Variants in SEMA4D observed in about 807,000 individuals in gnomAD.
SEMA4D encodes semaphorin 4D, also known as semaphorin-4D.
Under a neutral mutation model 74.8 loss-of-function variants are expected in SEMA4D, and 22 were observed. That is an observed-to-expected ratio of 0.29 (90% CI 0.21 to 0.42). SEMA4D has a LOEUF of 0.42. SEMA4D is among the 10% of genes least tolerant of loss of function. The pLI, the probability that SEMA4D is intolerant of heterozygous loss-of-function variation, is 1.00. For synonymous variants in SEMA4D, 445 were observed against 463.7 expected, an observed-to-expected ratio of 0.96 and a Z score of 0.52; for missense variants, 937 against 1,118.4, an observed-to-expected ratio of 0.84 and a Z score of 2.31.
chr9:89,431,171 C>A (rs539255894), intron 2 of SEMA4D, among the ~76,000 whole-genome samples: 3 of 152,312 alleles, frequency 2.0e-5, no homozygotes, highest in East Asian at 3.9e-4. Context: ...ATGTAAAAAA[C>A]CCAGTCATAA....
intron 13 of SEMA4D, among the ~76,000 whole-genome samples, chr9:89,384,473 G>A (rs951876000): frequency 2.6e-5 from 4 of 152,222 alleles, no homozygotes; most frequent in Admixed American, 6.5e-5. Context: ...GCTGCCCAGG[G>A]CTGGAGGAGG....
chr9:89,409,353 C>T (rs1023821451), intron 2 of SEMA4D, among the ~76,000 whole-genome samples: 5 of 152,088 alleles, frequency 3.3e-5, no homozygotes, highest in African/African-American at 7.2e-5. Context: ...TGCATTTGTC[C>T]GAGCCTACAG....
At chr9:89,459,137 C>T (rs1013498072) in intron 1 of SEMA4D, among the ~76,000 whole-genome samples, 2 of 152,200 alleles carry the variant, frequency 1.3e-5, no homozygotes, top group Non-Finnish European at 2.9e-5. Context: ...CCTAGAGACC[C>T]CATGTGCCTG....
chr9:89,430,590 G>T (rs1177420666), intron 2 of SEMA4D, among the ~76,000 whole-genome samples: 1 of 152,198 alleles, frequency 6.6e-6, no homozygotes, highest in African/African-American at 2.4e-5. Context: ...TATTTCCAAG[G>T]CCTCAGCAAC....
intron 16 of SEMA4D, among the ~76,000 whole-genome samples, chr9:89,365,867 C>T (rs548103730): frequency 1.3e-5 from 2 of 152,312 alleles, no homozygotes; most frequent in Non-Finnish European, 2.9e-5. Flanking sequence ...TTTAATGAAG[C>T]TGACTTTAGT....
chr9:89,458,983 A>G (rs1236181178), intron 1 of SEMA4D, among the ~76,000 whole-genome samples: 1 of 152,200 alleles, frequency 6.6e-6, no homozygotes, highest in Non-Finnish European at 1.5e-5. Flanking sequence ...ACACATATGC[A>G]TACTCATACA....
In SEMA4D at chr9:89,405,396, C is replaced by A; in HGVS notation, c.61G>T (p.Ala21Ser). ...LMALAVMFGT[A>S]MAFAPIPRIT... ...CGGGGTATGGGTGCAAATGCCATCG[C>A]TGTCCCAAACATCACTGCAAGGGCC... Residue 21 changes from alanine to serine, a missense_variant, in exon 3 of 16, where the codon GCG (alanine) becomes TCG (serine). Transcript: ENST00000422704. 1 of 1,614,138 alleles carries A rather than the reference C, an allele frequency of 6.2e-7. No homozygotes were observed. The highest frequency in any genetic ancestry group is 8.5e-7 in the Non-Finnish European group (1 of 1,180,000).
chr9:89,395,387 G>A (rs1042026624), intron 6 of SEMA4D, among the ~76,000 whole-genome samples: 4 of 150,652 alleles, frequency 2.7e-5, no homozygotes, highest in African/African-American at 9.8e-5. Context: ...TCGCATCACT[G>A]TACTCCAGCC....
chr9:89,376,970 G>GA (rs1344322148), downstream of SEMA4D: 2 of 1,550,436 alleles, frequency 1.3e-6, no homozygotes, highest in Non-Finnish European at 1.7e-6. Context: ...GGTCCAGGGA[G>GA]AGGAAAGCCT....
In SEMA4D at chr9:89,379,035, T is replaced by C. The variant is rs1836371166; in HGVS notation, c.2258A>G (p.Tyr753Cys). ...FFVLFLCLFFYNCYKGYLPRQ... is the reference protein window; with the variant it reads ...FFVLFLCLFFCNCYKGYLPRQ... ...GGGCAGGTATCCCTTATAGCAGTTG[T>C]AGAAAAAGAGGCAGAGGAAGAGAAC... The change falls in exon 16 of 16, where the codon TAC (tyrosine) becomes TGC (cysteine). Residue 753 changes from tyrosine (Y) to cysteine (C), a missense_variant. Coordinates refer to ENST00000422704, the MANE Select transcript of SEMA4D (RefSeq NM_001371194.2). 1 of 1,611,726 alleles carries C rather than the reference T, an allele frequency of 6.2e-7. No homozygotes were observed. Among genetic ancestry groups the C allele is most frequent in the South Asian group, 1.1e-5 (1 of 90,900 alleles).
chr9:89,451,852 A>G (rs1160500682), intron 2 of SEMA4D, among the ~76,000 whole-genome samples: 1 of 152,198 alleles, frequency 6.6e-6, no homozygotes, highest in Non-Finnish European at 1.5e-5. Context: ...CATGTCATGC[A>G]CGCAGGTCAT....
rs1360990703 is a variant in SEMA4D, at chr9:89,378,463, CGACT to C, written c.*237_*240del. On this transcript the variant is annotated 3_prime_UTR_variant, in exon 16 of 16. Coordinates refer to ENST00000422704, the MANE Select transcript of SEMA4D (RefSeq NM_001371194.2). The stretch of plus-strand genomic sequence containing the variant: ...GCCCGTGGGCCTTCTTCAAGTACTC[CGACT>C]GACTTCGGAACACAAGACTGGGATG... The C allele has an allele frequency of 2.0e-6, 1 of 499,234 alleles. No homozygotes were observed. Among genetic ancestry groups the C allele is most frequent in the African/African-American group, 1.9e-5 (1 of 52,000 alleles). 30.9% of individuals were successfully genotyped at this position (499,234 alleles called of 1,614,324 possible). A position where few individuals can be genotyped will look rare whatever the true frequency, so the allele number is the denominator to read the frequency against.
chr9:89,439,678 C>T (rs965137184), intron 2 of SEMA4D, among the ~76,000 whole-genome samples: 15 of 152,200 alleles, frequency 9.9e-5, no homozygotes, highest in African/African-American at 2.4e-4. Flanking sequence ...GCTCAGCCGG[C>T]GGCTGACTGG....
intron 1 of SEMA4D, among the ~76,000 whole-genome samples, chr9:89,489,830 G>A (rs1251040138): frequency 6.6e-6 from 1 of 152,238 alleles, no homozygotes; most frequent in African/African-American, 2.4e-5. Context: ...GTTTTTGTGT[G>A]AGTCCCTGCT....
chr9:89,437,066 GCA>G (rs770145078), intron 2 of SEMA4D, among the ~76,000 whole-genome samples: 6 of 152,244 alleles, frequency 3.9e-5, no homozygotes, highest in Non-Finnish European at 7.3e-5. Flanking sequence ...AGGTGAGCAT[GCA>G]CAGAGCTGCT....
At chr9:89,482,612 C>A (rs1272653703) in intron 1 of SEMA4D, among the ~76,000 whole-genome samples, 1 of 152,184 alleles carries the variant, frequency 6.6e-6, no homozygotes, top group African/African-American at 2.4e-5. Flanking sequence ...GGACTCCCGG[C>A]CTGACACAAT....
chr9:89,474,003 T>G lies in SEMA4D; in HGVS notation c.-309-18050A>C, dbSNP rs188620107. On this transcript the variant is annotated intron_variant, in intron 1 of 15. Coordinates refer to ENST00000422704, the MANE Select transcript of SEMA4D (RefSeq NM_001371194.2). ...CCTCCCCAGGCATCCCCCAGAGAAG[T>G]AGGACAGAGAGAAGACGGGTACCAT... Among the ~76,000 whole-genome samples the G allele has an allele frequency of 7.9e-5, 12 of 151,962 alleles. 1 individual carries two copies. Among genetic ancestry groups the G allele is most frequent in the African/African-American group, 2.9e-4 (12 of 41,448 alleles).
intron 16 of SEMA4D, chr9:89,363,958 C>G (rs1833162482): frequency 1.9e-6 from 3 of 1,613,948 alleles, no homozygotes; most frequent in Non-Finnish European, 2.5e-6. Context: ...GACCTGGGGA[C>G]ACAGACCGTT....
At chr9:89,371,965 T>G (rs1429808331) in intron 16 of SEMA4D, among the ~76,000 whole-genome samples, 6 of 126,270 alleles carry the variant, frequency 4.8e-5, no homozygotes, top group Non-Finnish European at 6.7e-5. Context: ...GTGGTGTGTG[T>G]GGGGTGTGGT....
Sources: allele counts gnomAD v4.1 joint callset (sites outside exome capture counted in the v4.1 genomes callset), GRCh38; gene constraint gnomAD v4.1.1; transcripts MANE v1.5; gene names NCBI Gene and HGNC (gene_info 2026-07-23, HGNC 2026-07-21).